SNAPC4: variants seen among roughly 807,000 people sequenced by gnomAD.
The protein encoded by SNAPC4 is small nuclear RNA activating complex polypeptide 4, also known as snRNA-activating protein complex subunit 4.
SNAPC4 carries 127 observed loss-of-function variants against 151.3 expected under a neutral mutation model. The observed-to-expected ratio is 0.84, with a 90% CI of 0.73 to 0.97. SNAPC4 has a LOEUF of 0.97. Ranked by LOEUF, SNAPC4 falls within the 50% of genes least tolerant of loss-of-function variation. The pLI, the probability that SNAPC4 is intolerant of heterozygous loss-of-function variation, is 0.00. For synonymous variants in SNAPC4, 1,002 were observed against 824.4 expected, an observed-to-expected ratio of 1.22 and a Z score of -3.69; for missense variants, 2,186 against 1,935.0, an observed-to-expected ratio of 1.13 and a Z score of -2.43.
intron 22 of SNAPC4, 37 bp downstream of exon 22, chr9:136,377,506 C>A: frequency 6.7e-7 from 1 of 1,498,882 alleles, no homozygotes; most frequent in Non-Finnish European, 8.9e-7. Context: ...GGGACCGCCG[C>A]CTGCCATGGG....
In SNAPC4 at chr9:136,378,511, C is replaced by T. The variant is rs750246645; in HGVS notation, c.3316G>A (p.Ala1106Thr). The part of the protein sequence containing the change: ...LPRPAGTPGP[A>T]GLLATLLPPL... Reference sequence around the variant, plus strand: ...GGCAGCAGAGTGGCCAGCAGCCCTGCGGGGCCAGGGGTCCCTGCTGGCCTG... The same window carrying T: ...GGCAGCAGAGTGGCCAGCAGCCCTGTGGGGCCAGGGGTCCCTGCTGGCCTG... Residue 1106 changes from alanine (A) to threonine (T), a missense_variant, in exon 22 of 24, where the codon GCA becomes ACA. By Grantham distance (58) the Ala-to-Thr change is moderately conservative. Coordinates refer to ENST00000684778, the MANE Select transcript of SNAPC4 (RefSeq NM_003086.4). 1.0e-5 allele frequency: 16 copies of T among 1,590,856 alleles called. No homozygotes were observed. Among genetic ancestry groups the T allele is most frequent in the South Asian group, 3.4e-5 (3 of 89,504 alleles).
At chr9:136,390,382 C>T (rs934851372) in intron 10 of SNAPC4, among the ~76,000 whole-genome samples, 2 of 151,740 alleles carry the variant, frequency 1.3e-5, no homozygotes, top group African/African-American at 2.4e-5. Context: ...AGTGAAACCC[C>T]GTCTCTACTA....
chr9:136,396,922 G>C (rs2131519654), intron 3 of SNAPC4, 55 bp downstream of exon 3: 2 of 1,470,282 alleles, frequency 1.4e-6, no homozygotes, highest in South Asian at 1.1e-5. Flanking sequence ...AGGCTACTTT[G>C]GAAGGTGGTG....
intron 20 of SNAPC4, 42 bp downstream of exon 20, chr9:136,380,697 CG>C: frequency 1.8e-6 from 2 of 1,119,646 alleles, no homozygotes; most frequent in Non-Finnish European, 2.7e-6. Context: ...AACGCCGGGG[CG>C]GGCAGTGGCC....
At chr9:136,388,175 G>T (rs528349360) in intron 11 of SNAPC4, among the ~76,000 whole-genome samples, 39 of 151,526 alleles carry the variant, frequency 2.6e-4, no homozygotes, top group African/African-American at 9.2e-4. Flanking sequence ...GCTGAGGCAC[G>T]AGAATCGCTT....
chr9:136,387,269 C>G (rs1414119165), intron 13 of SNAPC4, among the ~76,000 whole-genome samples: 1 of 152,214 alleles, frequency 6.6e-6, no homozygotes, highest in East Asian at 1.9e-4. Context: ...GACAGCAATA[C>G]AGAAGTCAGG....
chr9:136,380,954 T>A, intron 19 of SNAPC4, 104 bp from the exon 20 acceptor site: 1 of 679,694 alleles, frequency 1.5e-6, no homozygotes, highest in Non-Finnish European at 2.6e-6. Flanking sequence ...CTGGGGCGGC[T>A]ACCTTGAGAC....
Position 136,395,390 on chromosome 9 carries a change from C to T in SNAPC4, c.379G>A (p.Gly127Ser). 1.2e-6 allele frequency: 2 copies of T among 1,613,490 alleles called. No homozygotes were observed. Among genetic ancestry groups the T allele is most frequent in the Non-Finnish European group, 1.7e-6 (2 of 1,179,946 alleles). ...ELMRDLAGSK[G>S]TKVKDGKSLP... The stretch of plus-strand genomic sequence containing the variant: ...CTTTTGCCATCTTTCACCTTGGTGC[C>T]TTTGGACCCAGCCAGATCCCTCATG... The change falls in exon 5 of 24, where the codon GGC (glycine) becomes AGC (serine). Residue 127 changes from glycine (G) to serine (S), a missense_variant. Gly to Ser is a moderately conservative substitution (Grantham distance 56, BLOSUM62 0). Transcript: ENST00000684778.
chr9:136,379,776 CCTCTTCCCCGCCAGGGCCAGGTTAGGT>C (rs1005331527), intron 21 of SNAPC4, 34 bp downstream of exon 21: 32 of 1,525,310 alleles, frequency 2.1e-5, no homozygotes, highest in South Asian at 1.0e-4. Context: ...CCAGGTTAGG[CCTCTTCCCCGCCAGGGCCAGGTTAGGT>C]CTCTTCCCCA....
chr9:136,393,466 G>C (rs1025865167), intron 7 of SNAPC4, among the ~76,000 whole-genome samples: 1 of 152,222 alleles, frequency 6.6e-6, no homozygotes, highest in Non-Finnish European at 1.5e-5. Context: ...CTCTGTCTTT[G>C]ACCAAAGTCA....
At position 136,380,759 on chromosome 9, in the gene SNAPC4, G is replaced by A; in HGVS notation, c.2480C>T (p.Pro827Leu). The change falls in exon 20 of 24, where the codon CCA (proline) becomes CTA (leucine). Residue 827 changes from proline (P) to leucine (L), a missense_variant. By Grantham distance (98) the Pro-to-Leu change is moderately conservative (BLOSUM62 -3). Transcript: ENST00000684778. ...TGCTACCTGCAGAAGATGAACTGGT[G>A]GGTCCCGAGCACCAGCCTGGGGCAG... ...PRLPQAGARD[P>L]PVHLLQASSS... The A allele has an allele frequency of 1.9e-6, 3 of 1,602,916 alleles. No individual in the cohort carries two copies. The highest frequency in any genetic ancestry group is 2.6e-6 in the Non-Finnish European group (3 of 1,170,946).
intron 6 of SNAPC4, among the ~76,000 whole-genome samples, 176 bp downstream of exon 6, chr9:136,394,624 C>A (rs1224760272): frequency 6.6e-6 from 1 of 152,148 alleles, no homozygotes; most frequent in Non-Finnish European, 1.5e-5. Flanking sequence ...CTGGAAAGGA[C>A]CTGCTCAGTG....
At position 136,376,372 on chromosome 9, in the gene SNAPC4, C is replaced by T. The variant is rs147951812; in HGVS notation, c.4394G>A (p.Arg1465Gln). 8.4e-5 allele frequency: 135 copies of T among 1,613,140 alleles called. No individual in the cohort carries two copies. Among genetic ancestry groups the T allele is most frequent in the South Asian group, 2.9e-4 (26 of 91,090 alleles). ...RTRHARHTRK[R>Q]RRLV ...ACCTGCTGCTCACACCAGCCGCCTC[C>T]GCTTCCGGGTGTGCCTGGCATGCCG... The change falls in exon 23 of 24, where the codon CGG (arginine) becomes CAG (glutamine). Residue 1465 changes from arginine (R) to glutamine (Q), a missense_variant. Physicochemically the swap from Arg to Gln is conservative, Grantham distance 43 (BLOSUM62 1). Coordinates refer to ENST00000684778, the MANE Select transcript of SNAPC4 (RefSeq NM_003086.4).
rs543027861 is a variant in SNAPC4, at chr9:136,390,479, C to T, written c.975+1463G>A. ...CTGAGGCAGGAGAATGGCGTGAACCCGGGAGGCGGAGCTTGCGGTGAGCTG... is the reference window on the plus strand; with the variant it reads ...CTGAGGCAGGAGAATGGCGTGAACCTGGGAGGCGGAGCTTGCGGTGAGCTG... On this transcript the variant is annotated intron_variant, in intron 10 of 23. Coordinates refer to ENST00000684778, the MANE Select transcript of SNAPC4 (RefSeq NM_003086.4). 3.2e-4 allele frequency among the ~76,000 whole-genome samples: 43 copies of T among 135,416 alleles called. No homozygotes were observed. The East Asian group carries it at 4.9e-3, about 15-fold the overall frequency. The allele number at this position is 135,416 out of a possible 152,430, so 88.8% of individuals were successfully genotyped here.
In SNAPC4 at chr9:136,395,284, C is replaced by A. The variant is rs1251777917; in HGVS notation, c.471+14G>T. 1 of 1,611,420 alleles carries A rather than the reference C, an allele frequency of 6.2e-7. No individual in the cohort carries two copies. The highest frequency in any genetic ancestry group is 1.7e-5 in the Admixed American group (1 of 59,850). ...CAGAGCCTTGCCGACAAGAGCAGGGCCTCGGCCACTCACCACGCCCGTGAC... is the reference window on the plus strand; with the variant it reads ...CAGAGCCTTGCCGACAAGAGCAGGGACTCGGCCACTCACCACGCCCGTGAC... On this transcript the variant is annotated intron_variant, in intron 5 of 23. Transcript: ENST00000684778.
At position 136,384,162 on chromosome 9, in the gene SNAPC4, G is replaced by C. The variant is rs945991889; in HGVS notation, c.1421-130C>G. On this transcript the variant is annotated intron_variant, in intron 14 of 23. Coordinates refer to ENST00000684778, the MANE Select transcript of SNAPC4 (RefSeq NM_003086.4). ...CTCCTGTGCACTCTCACGCTGGGGG[G>C]TCAAGCATGTTGGGTGCCTACAATT... 24 of 682,566 alleles carry C rather than the reference G, an allele frequency of 3.5e-5. No homozygotes were observed. In the East Asian group the frequency reaches 6.8e-4, roughly 19 times the overall value. The allele number at this position is 682,566 out of a possible 1,614,324, so 42.3% of individuals were successfully genotyped here.
At chr9:136,391,679 G>A (rs1001880791) in intron 10 of SNAPC4, among the ~76,000 whole-genome samples, 15 of 152,218 alleles carry the variant, frequency 9.9e-5, no homozygotes, top group African/African-American at 3.6e-4. Flanking sequence ...TAAGAAAGGA[G>A]ACAAACTCCG....
intron 13 of SNAPC4, 115 bp from the exon 14 acceptor site, chr9:136,384,929 G>C (rs1246938361): frequency 1.8e-6 from 1 of 563,130 alleles, no homozygotes; most frequent in South Asian, 2.4e-5. Context: ...AGCAACAAAA[G>C]AAAACTACAG....
In SNAPC4 at chr9:136,380,853, G is replaced by A. The variant is rs764256971; in HGVS notation, c.2389-3C>T. On this transcript the variant is annotated splice_region_variant and splice_polypyrimidine_tract_variant and intron_variant, in intron 19 of 23. Coordinates refer to ENST00000684778, the MANE Select transcript of SNAPC4 (RefSeq NM_003086.4). ...CCGGCAGTATCGATGTGGAACAGCT[G>A]CGGGACACAGGAGGCAACCTAACCA... is the stretch of plus-strand genomic sequence containing the variant. 2 of 1,562,802 alleles carry A rather than the reference G, an allele frequency of 1.3e-6. No homozygotes were observed. Among genetic ancestry groups the A allele is most frequent in the Non-Finnish European group, 8.8e-7 (1 of 1,134,052 alleles).
Sources: allele counts gnomAD v4.1 joint callset (sites outside exome capture counted in the v4.1 genomes callset), GRCh38; gene constraint gnomAD v4.1.1; transcripts MANE v1.5; gene names NCBI Gene and HGNC (gene_info 2026-07-23, HGNC 2026-07-21).